SPATA17: variants seen among roughly 807,000 people sequenced by gnomAD.
SPATA17 encodes spermatogenesis-associated protein 17.
Under a neutral mutation model 62.2 loss-of-function variants are expected in SPATA17, and 53 were observed. The observed-to-expected ratio is 0.85, with a 90% CI of 0.68 to 1.07. The LOEUF is 1.07. Ranked by LOEUF, SPATA17 falls within the 50% of genes least tolerant of loss-of-function variation. The pLI is 0.00. For synonymous variants in SPATA17, 146 were observed against 146.8 expected, an observed-to-expected ratio of 0.99 and a Z score of 0.04; for missense variants, 466 against 425.5, an observed-to-expected ratio of 1.10 and a Z score of -0.84.
intron 9 of SPATA17, among the ~76,000 whole-genome samples, chr1:217,861,514 A>G (rs1314671205): frequency 6.6e-6 from 1 of 151,882 alleles, no homozygotes; most frequent in Admixed American, 6.6e-5. Flanking sequence ...GCTCAAATTT[A>G]AGAGTGATAT....
intron 6 of SPATA17, among the ~76,000 whole-genome samples, chr1:217,751,193 G>C (rs1192062863): frequency 1.3e-5 from 2 of 152,202 alleles, no homozygotes; most frequent in African/African-American, 4.8e-5. Context: ...CATAAGGAAA[G>C]CCAGAATGTA....
At chr1:217,857,964 A>T (rs1269212764) in intron 9 of SPATA17, among the ~76,000 whole-genome samples, 1 of 152,204 alleles carries the variant, frequency 6.6e-6, no homozygotes, top group South Asian at 2.1e-4. Flanking sequence ...CATTGCAGAC[A>T]CCAAAATGTT....
At chr1:217,793,841 T>C (rs182668956) in intron 8 of SPATA17, among the ~76,000 whole-genome samples, 4,780 of 151,686 alleles carry the variant, frequency 0.032, 107 homozygotes, top group Middle Eastern at 0.061. Context: ...GGAGGCCGGG[T>C]GCGGTGGCTC....
intron 4 of SPATA17, among the ~76,000 whole-genome samples, chr1:217,672,597 C>T (rs997112299): frequency 6.6e-6 from 1 of 151,724 alleles, no homozygotes; most frequent in Non-Finnish European, 1.5e-5. Flanking sequence ...TTATTTATAG[C>T]CTATCCATCC....
At chr1:217,801,265 G>A (rs1213601684) in intron 8 of SPATA17, among the ~76,000 whole-genome samples, 2 of 152,102 alleles carry the variant, frequency 1.3e-5, no homozygotes, top group Non-Finnish European at 2.9e-5. Flanking sequence ...ATTCATAACT[G>A]CTACCACTAC....
chr1:217,824,479 G>A (rs558452098), intron 9 of SPATA17, among the ~76,000 whole-genome samples: 1 of 151,348 alleles, frequency 6.6e-6, no homozygotes, highest in African/African-American at 2.4e-5. Context: ...AAGTATTTTG[G>A]CATTTTTATT....
chr1:217,743,756 T>C (rs11117920), intron 6 of SPATA17, among the ~76,000 whole-genome samples: 114,339 of 151,824 alleles, frequency 0.75, 43,688 homozygotes, highest in Non-Finnish European at 0.81. Flanking sequence ...ATTACAGGCA[T>C]CCACCACCAT....
At chr1:217,745,229 G>T (rs1360140946) in intron 6 of SPATA17, among the ~76,000 whole-genome samples, 1 of 152,142 alleles carries the variant, frequency 6.6e-6, no homozygotes, top group Non-Finnish European at 1.5e-5. Context: ...TTTGGACCTG[G>T]CTGGTTGGTA....
At chr1:217,733,299 C>A (rs983087503) in intron 5 of SPATA17, among the ~76,000 whole-genome samples, 1 of 152,180 alleles carries the variant, frequency 6.6e-6, no homozygotes, top group Non-Finnish European at 1.5e-5. Context: ...CATTTCTGTC[C>A]TTTGCTGTTG....
At chr1:217,660,937 A>C (rs773113036) in intron 3 of SPATA17, among the ~76,000 whole-genome samples, 11 of 152,174 alleles carry the variant, frequency 7.2e-5, no homozygotes, top group Non-Finnish European at 1.3e-4. Context: ...AGATGTTTGG[A>C]GCTTTTGGAG....
At position 217,774,462 on chromosome 1, in the gene SPATA17, T is replaced by C. The variant is rs1207456859; in HGVS notation, c.648T>C (p.Asp216=). ...AGAAGGACTCCACCAGCCTTACTGATTGGCTAGCTTGTACAAGCGCCCGTT... is the reference window on the plus strand; with the variant it reads ...AGAAGGACTCCACCAGCCTTACTGACTGGCTAGCTTGTACAAGCGCCCGTT... ...VKQKDSTSLT[D]WLACTSARSF... The change falls in exon 7 of 11, where the codon GAT becomes GAC. Residue 216 remains aspartate, a synonymous_variant. Transcript: ENST00000366933. The C allele has an allele frequency of 2.5e-6, 4 of 1,614,134 alleles. No individual in the cohort carries two copies. Among genetic ancestry groups the C allele is most frequent in the South Asian group, 2.2e-5 (2 of 91,080 alleles).
At chr1:217,865,842 C>T (rs543834787) in intron 10 of SPATA17, among the ~76,000 whole-genome samples, 2 of 152,276 alleles carry the variant, frequency 1.3e-5, no homozygotes, top group Non-Finnish European at 2.9e-5. Flanking sequence ...TTGGTCCAGG[C>T]TGTCTGTCTG....
intron 5 of SPATA17, among the ~76,000 whole-genome samples, chr1:217,740,299 C>G (rs1672600795): frequency 6.6e-6 from 1 of 151,782 alleles, no homozygotes; most frequent in African/African-American, 2.4e-5. Context: ...TGGATACATG[C>G]ATTTCTGAGT....
chr1:217,771,252 A>T (rs1382413429), intron 6 of SPATA17, among the ~76,000 whole-genome samples: 1 of 151,246 alleles, frequency 6.6e-6, no homozygotes, highest in Non-Finnish European at 1.5e-5. Flanking sequence ...GTTAGCACAG[A>T]TTTCCCCATA....
In SPATA17 at chr1:217,782,158, C is replaced by T; in HGVS notation, c.724-16C>T. ...AATCTTCCATATAAAATATGTTCCTCATCCTGTCTTGTCAGGGGCCCTTCC... is the reference window on the plus strand; with the variant it reads ...AATCTTCCATATAAAATATGTTCCTTATCCTGTCTTGTCAGGGGCCCTTCC... On this transcript the variant is annotated splice_polypyrimidine_tract_variant and intron_variant, in intron 7 of 10. Transcript: ENST00000366933. 1 of 1,573,026 alleles carries T rather than the reference C, an allele frequency of 6.4e-7. No individual in the cohort carries two copies. The highest frequency in any genetic ancestry group is 8.6e-7 in the Non-Finnish European group (1 of 1,163,164).
chr1:217,793,897 C>T (rs914256253), intron 8 of SPATA17, among the ~76,000 whole-genome samples: 6 of 151,908 alleles, frequency 3.9e-5, no homozygotes, highest in African/African-American at 1.4e-4. Flanking sequence ...TGGCAGATCA[C>T]GAGGTCAGGA....
At chr1:217,809,373 A>G (rs1033636013) in intron 9 of SPATA17, among the ~76,000 whole-genome samples, 6 of 152,200 alleles carry the variant, frequency 3.9e-5, no homozygotes, top group East Asian at 1.9e-4. Flanking sequence ...TTGTGTTGCT[A>G]TAACAGAATA....
At chr1:217,855,280 C>T (rs913467753) in intron 9 of SPATA17, among the ~76,000 whole-genome samples, 6 of 152,184 alleles carry the variant, frequency 3.9e-5, no homozygotes, top group Non-Finnish European at 7.3e-5. Context: ...TTTAAATTGA[C>T]ACATCTTTGT....
intron 5 of SPATA17, among the ~76,000 whole-genome samples, chr1:217,712,863 A>G (rs1041043532): frequency 2.0e-5 from 3 of 152,108 alleles, no homozygotes; most frequent in Non-Finnish European, 4.4e-5. Flanking sequence ...AGGTGTTCCT[A>G]CTGGCAGAGT....
Sources: allele counts gnomAD v4.1 joint callset (sites outside exome capture counted in the v4.1 genomes callset), GRCh38; gene constraint gnomAD v4.1.1; transcripts MANE v1.5; gene names NCBI Gene and HGNC (gene_info 2026-07-23, HGNC 2026-07-21).